RPS6KC1: variants seen among roughly 807,000 people sequenced by gnomAD.
RPS6KC1 encodes inactive ribosomal protein S6 kinase delta-1.
In RPS6KC1, 54 loss-of-function variants were observed where a neutral mutation model predicts 103.8. The ratio of observed to expected loss-of-function variants is 0.52; its 90% CI spans 0.42 to 0.65. The LOEUF is 0.65. Among genes scored for constraint, RPS6KC1 ranks in the 30% least tolerant of loss-of-function variants. The pLI is 0.00. For missense variants in RPS6KC1, 1,151 were observed against 1,253.8 expected, an observed-to-expected ratio of 0.92 and a Z score of 1.24; for synonymous variants, 439 against 438.7, an observed-to-expected ratio of 1.00 and a Z score of -0.01.
At chr1:213,629,168 A>G in the RPS6KC1 span, among the ~76,000 whole-genome samples, 1 of 152,072 alleles carries the variant, frequency 6.6e-6, no homozygotes, top group African/African-American at 2.4e-5. Flanking sequence ...GATCTGTCTA[A>G]TGTTGACAGT....
the RPS6KC1 span, among the ~76,000 whole-genome samples, chr1:213,460,008 T>C: frequency 6.6e-6 from 1 of 152,222 alleles, no homozygotes; most frequent in Admixed American, 6.5e-5. Flanking sequence ...TCCAATTATG[T>C]GGTCAATTTT....
the RPS6KC1 span, among the ~76,000 whole-genome samples, chr1:213,434,461 T>C: frequency 6.6e-6 from 1 of 152,206 alleles, no homozygotes; most frequent in East Asian, 1.9e-4. Flanking sequence ...TCTTTCTTTC[T>C]TTCTTTTTTG....
chr1:213,089,079 G>A (rs1421087294), intron 3 of RPS6KC1, among the ~76,000 whole-genome samples: 4 of 152,176 alleles, frequency 2.6e-5, no homozygotes, highest in Non-Finnish European at 5.9e-5. Context: ...TGAGATATAT[G>A]TAATAGAGGT....
the RPS6KC1 span, among the ~76,000 whole-genome samples, chr1:213,511,179 GT>G: frequency 2.5e-5 from 3 of 122,168 alleles, no homozygotes; most frequent in South Asian, 2.2e-4. Context: ...GTTGAGGAAT[GT>G]CTTTTTTTTT....
chr1:213,368,587 A>G, the RPS6KC1 span, among the ~76,000 whole-genome samples: 5 of 152,222 alleles, frequency 3.3e-5, no homozygotes, highest in Non-Finnish European at 5.9e-5. Flanking sequence ...CTTGCTGTGC[A>G]TTGTTAGAGC....
the RPS6KC1 span, among the ~76,000 whole-genome samples, chr1:213,606,034 C>T: frequency 1.3e-5 from 2 of 152,314 alleles, no homozygotes; most frequent in Middle Eastern, 3.4e-3. Context: ...AATGTCTGCT[C>T]AGGGAGGACG....
chr1:213,330,858 G>T, the RPS6KC1 span, among the ~76,000 whole-genome samples: 1 of 152,284 alleles, frequency 6.6e-6, no homozygotes, highest in African/African-American at 2.4e-5. Context: ...CCTAGAAGGA[G>T]AACTTTTCAT....
At chr1:213,200,160 G>C (rs2093104099) in intron 8 of RPS6KC1, among the ~76,000 whole-genome samples, 1 of 152,014 alleles carries the variant, frequency 6.6e-6, no homozygotes, top group South Asian at 2.1e-4. Context: ...GAACCAAAAA[G>C]GAACCTGAAT....
chr1:213,133,485 A>G (rs2085892852), intron 6 of RPS6KC1, among the ~76,000 whole-genome samples: 1 of 152,216 alleles, frequency 6.6e-6, no homozygotes, highest in African/African-American at 2.4e-5. Flanking sequence ...GTCTAAGGAC[A>G]CCAAAATTTA....
the RPS6KC1 span, among the ~76,000 whole-genome samples, chr1:213,323,372 G>T: frequency 6.6e-5 from 10 of 152,310 alleles, no homozygotes; most frequent in East Asian, 5.8e-4. Flanking sequence ...ACGAAGGCAG[G>T]TGCAGGATGA....
chr1:213,824,023 G>A, the RPS6KC1 span, among the ~76,000 whole-genome samples: 2 of 152,236 alleles, frequency 1.3e-5, no homozygotes, highest in African/African-American at 4.8e-5. Flanking sequence ...GGTCTCTAGC[G>A]ATGCTATCCA....
intron 3 of RPS6KC1, among the ~76,000 whole-genome samples, chr1:213,098,303 A>ATT (rs34192228): frequency 1.1e-4 from 13 of 121,818 alleles, no homozygotes; most frequent in Admixed American, 3.3e-4. Context: ...TGCCCGGCTA[A>ATT]TTTTTTTTTT....
At chr1:213,532,725 C>T in the RPS6KC1 span, among the ~76,000 whole-genome samples, 1 of 152,152 alleles carries the variant, frequency 6.6e-6, no homozygotes, top group African/African-American at 2.4e-5. Flanking sequence ...GAGCAGGCTC[C>T]TTGCCGGCCT....
the RPS6KC1 span, among the ~76,000 whole-genome samples, chr1:213,499,689 G>C: frequency 1.3e-5 from 2 of 151,430 alleles, no homozygotes. Flanking sequence ...TGGCCTGGGG[G>C]CTGGGGCCAG....
At chr1:213,220,827 ATAGT>A (rs2093811883) in intron 8 of RPS6KC1, among the ~76,000 whole-genome samples, 1 of 152,246 alleles carries the variant, frequency 6.6e-6, no homozygotes, top group South Asian at 2.1e-4. Context: ...AGAATTGAAT[ATAGT>A]TAGATTCTTG....
the RPS6KC1 span, among the ~76,000 whole-genome samples, chr1:213,301,412 C>A: frequency 5.9e-5 from 9 of 152,194 alleles, no homozygotes; most frequent in Non-Finnish European, 1.0e-4. Context: ...CAACAGTCAG[C>A]CAGTCGATAA....
At chr1:213,784,200 C>T in the RPS6KC1 span, among the ~76,000 whole-genome samples, 16 of 152,202 alleles carry the variant, frequency 1.1e-4, no homozygotes, top group African/African-American at 3.9e-4. Context: ...AAGGTTGCTC[C>T]ATGTTATGCT....
the RPS6KC1 span, among the ~76,000 whole-genome samples, chr1:213,333,016 G>A: frequency 6.6e-6 from 1 of 152,120 alleles, no homozygotes; most frequent in African/African-American, 2.4e-5. Context: ...TCTTGTTTGT[G>A]AACACCCGAC....
the RPS6KC1 span, among the ~76,000 whole-genome samples, chr1:213,338,073 A>G: frequency 6.6e-6 from 1 of 152,152 alleles, no homozygotes. Context: ...TGAACTCTTC[A>G]GTTATTGGGG....
Sources: allele counts gnomAD v4.1 joint callset (sites outside exome capture counted in the v4.1 genomes callset), GRCh38; gene constraint gnomAD v4.1.1; transcripts MANE v1.5; gene names NCBI Gene and HGNC (gene_info 2026-07-23, HGNC 2026-07-21).